The following MMP2 variants were observed in gnomAD, a reference collection of about 807,000 sequenced individuals.
MMP2 encodes the protein 72 kDa type IV collagenase.
Under a neutral mutation model 74.8 loss-of-function variants are expected in MMP2, and 39 were observed. That is an observed-to-expected ratio of 0.52 (90% CI 0.40 to 0.68). The LOEUF (loss-of-function observed/expected upper bound fraction) is 0.68. Among genes scored for constraint, MMP2 ranks in the 30% least tolerant of loss-of-function variants. The pLI is 0.00. For missense variants in MMP2, 803 were observed against 878.3 expected (o/e 0.91, Z 1.08); for synonymous variants, 367 against 339.8 (o/e 1.08, Z -0.88).
intron 8 of MMP2, among the ~76,000 whole-genome samples, chr16:55,492,644 T>C (rs1269878863): frequency 6.6e-6 from 1 of 151,746 alleles, no homozygotes; most frequent in African/African-American, 2.4e-5. Context: ...CCGTGAGGGG[T>C]GCTGGGTTCA....
rs1319527447 is a variant in MMP2, at chr16:55,504,236, T to C, written c.1880-1103T>C. Reference sequence around the variant, plus strand: ...GTTTTTTTAAAGGAAGCCAGAAATCTGTACTTCTGTGTGACTTTTTGGATG... The same window carrying C: ...GTTTTTTTAAAGGAAGCCAGAAATCCGTACTTCTGTGTGACTTTTTGGATG... On this transcript the variant is annotated intron_variant, in intron 12 of 12. Transcript: ENST00000219070. Among the ~76,000 whole-genome samples the C allele has an allele frequency of 2.6e-5, 4 of 152,312 alleles. No homozygotes were observed. The East Asian group carries it at 7.7e-4, about 29-fold the overall frequency.
At chr16:55,498,511 T>A in intron 11 of MMP2, 63 bp downstream of exon 11, 1 of 1,605,516 alleles carries the variant, frequency 6.2e-7, no homozygotes, top group Non-Finnish European at 8.5e-7. Flanking sequence ...GAAGCCGCCC[T>A]GAGGCTTCAA....
In MMP2 at chr16:55,484,108, G is replaced by A. The variant is rs368486758; in HGVS notation, c.473G>A (p.Arg158Gln). ...FQVWSDVTPL[R>Q]FSRIHDGEAD... is the part of the protein sequence containing the mutation. The stretch of plus-strand genomic sequence containing the variant: ...GTCTGGAGCGATGTGACCCCACTGC[G>A]GTTTTCTCGAATCCATGATGGAGAG... The change falls in exon 3 of 13, where the codon CGG (arginine) becomes CAG (glutamine). Residue 158 changes from arginine (R) to glutamine (Q), a missense_variant. Coordinates refer to ENST00000219070, the MANE Select transcript of MMP2 (RefSeq NM_004530.6). 79 of 1,614,056 alleles carry A rather than the reference G, an allele frequency of 4.9e-5. No homozygotes were observed. The highest frequency in any genetic ancestry group is 1.1e-4 in the African/African-American group (8 of 74,928).
chr16:55,493,201 G>A lies in MMP2; in HGVS notation c.1380G>A (p.Thr460=), dbSNP rs2287074. 0.42 allele frequency: 674,231 copies of A among 1,613,572 alleles called. 143,906 individuals carry two copies. The highest frequency in any genetic ancestry group is 0.44 in the Non-Finnish European group (521,927 of 1,179,780). Residue 460 remains threonine, a synonymous_variant, in exon 9 of 13, where the codon ACG becomes ACA. Coordinates refer to ENST00000219070, the MANE Select transcript of MMP2 (RefSeq NM_004530.6). ...DIDLGTGPTP[T]LGPVTPEICK... is the part of the protein sequence containing the mutation. ...ACCTTGGCACCGGCCCCACCCCCAC[G>A]CTGGGCCCTGTCACTCCTGAGATCT...
intron 12 of MMP2, 53 bp downstream of exon 12, chr16:55,502,941 G>A: frequency 7.0e-7 from 1 of 1,424,384 alleles, no homozygotes; most frequent in Non-Finnish European, 9.9e-7. Flanking sequence ...CCCTAGCCAG[G>A]GCCCAGCTCC....
intron 12 of MMP2, among the ~76,000 whole-genome samples, chr16:55,503,267 G>C (rs1481358713): frequency 1.3e-5 from 2 of 152,220 alleles, no homozygotes; most frequent in African/African-American, 2.4e-5. Context: ...CAGAAGGATG[G>C]CTCCATTTGA....
At chr16:55,485,579 C>T (rs770448914) in intron 4 of MMP2, 25 bp from the exon 5 acceptor site, 1 of 1,614,032 alleles carries the variant, frequency 6.2e-7, no homozygotes, top group South Asian at 1.1e-5. Flanking sequence ...GAAGTCCAAC[C>T]TCCCCCTTCC....
chr16:55,483,285 AATGAAGTC>A, intron 2 of MMP2, 150 bp downstream of exon 2: 1 of 650,414 alleles, frequency 1.5e-6, no homozygotes, highest in Non-Finnish European at 2.7e-6. Context: ...GTTCTTAGAA[AATGAAGTC>A]AGACAGACTT....
intron 1 of MMP2, 41 bp downstream of exon 1, chr16:55,479,673 A>G (rs1212302989): frequency 1.2e-6 from 2 of 1,612,728 alleles, no homozygotes; most frequent in Non-Finnish European, 1.7e-6. Context: ...CGTTTAGACA[A>G]ACTTCGGAGG....
chr16:55,500,538 C>CACACAG (rs1227112652), intron 11 of MMP2, among the ~76,000 whole-genome samples: 13 of 147,626 alleles, frequency 8.8e-5, no homozygotes, highest in African/African-American at 3.2e-4. Context: ...CACACACACA[C>CACACAG]AGGCATGGAG....
chr16:55,479,672 A>G (rs759204439), intron 1 of MMP2, 40 bp downstream of exon 1: 3 of 1,612,880 alleles, frequency 1.9e-6, no homozygotes, highest in Non-Finnish European at 2.5e-6. Flanking sequence ...ACGTTTAGAC[A>G]AACTTCGGAG....
chr16:55,489,531 C>A, intron 6 of MMP2, 120 bp from the exon 7 acceptor site: 2 of 1,232,610 alleles, frequency 1.6e-6, no homozygotes, highest in Non-Finnish European at 2.4e-6. Flanking sequence ...TCTAAAGATA[C>A]AGTGCCTGGG....
chr16:55,480,061 C>T (rs1421266582), intron 1 of MMP2: 1 of 176,120 alleles, frequency 5.7e-6, no homozygotes, highest in Non-Finnish European at 1.2e-5. Flanking sequence ...TCTAGGTAAG[C>T]CTTTGGCAAA....
intron 1 of MMP2, 78 bp downstream of exon 1, chr16:55,479,710 G>T: frequency 6.3e-7 from 1 of 1,579,124 alleles, no homozygotes; most frequent in Non-Finnish European, 8.7e-7. Context: ...CTCTCCCCCT[G>T]CCCTCGGCGG....
intron 5 of MMP2, chr16:55,487,988 CAT>C (rs571951420): frequency 1.4e-4 from 26 of 183,804 alleles, no homozygotes; most frequent in Non-Finnish European, 2.4e-4. Context: ...CGCACACACA[CAT>C]ATATGAGAGT....
chr16:55,497,378 G>A (rs148919111), intron 10 of MMP2, among the ~76,000 whole-genome samples: 18 of 152,230 alleles, frequency 1.2e-4, no homozygotes, highest in Admixed American at 2.0e-4. Context: ...TGTCCCTAAC[G>A]CCTTTGTAGT....
At position 55,491,802 on chromosome 16, in the gene MMP2, G is replaced by T. The variant is rs1962411641; in HGVS notation, c.1182G>T (p.Gly394=). The change falls in exon 8 of 13, where the codon GGG becomes GGT. Residue 394 remains glycine (G), a splice_region_variant and synonymous_variant. Coordinates refer to ENST00000219070, the MANE Select transcript of MMP2 (RefSeq NM_004530.6). ...CTCTCTCCTCCCTGCAACCCTCAGG[G>T]TACAGCCTGTTCCTCGTGGCAGCCC... ...DRKWGFCPDQ[G]YSLFLVAAHE... The T allele has an allele frequency of 1.2e-6, 2 of 1,614,186 alleles. No homozygotes were observed. The highest frequency in any genetic ancestry group is 2.7e-5 in the African/African-American group (2 of 75,054).
rs147947052 is a variant in MMP2, at chr16:55,484,131, G to A, written c.496G>A (p.Glu166Lys). Residue 166 changes from glutamate (E) to lysine (K), a missense_variant, in exon 3 of 13, where the codon GAG (glutamate) becomes AAG (lysine). This residue lies in a region of MMP2 where 223 missense variants were observed against 232.8 expected (regional missense o/e 0.96). Coordinates refer to ENST00000219070, the MANE Select transcript of MMP2 (RefSeq NM_004530.6). ...PLRFSRIHDGEADIMINFGRW... is the reference protein window; with the variant it reads ...PLRFSRIHDGKADIMINFGRW... ...GCGGTTTTCTCGAATCCATGATGGA[G>A]AGGCAGACATCATGATCAACTTTGG... 1.0e-3 allele frequency: 1,669 copies of A among 1,614,198 alleles called. 16 individuals carry two copies. Among genetic ancestry groups the A allele is most frequent in the South Asian group, 4.8e-3 (441 of 91,088 alleles).
intron 1 of MMP2, chr16:55,480,525 C>T (rs1962072156): frequency 6.6e-6 from 1 of 152,234 alleles, no homozygotes; most frequent in African/African-American, 2.4e-5. Context: ...GCTCCCAAAC[C>T]GCGGTTCAGA....
Sources: allele counts gnomAD v4.1 joint callset (sites outside exome capture counted in the v4.1 genomes callset), GRCh38; gene constraint gnomAD v4.1.1; regional missense constraint gnomAD v4.1.1; transcripts MANE v1.5; gene names NCBI Gene and HGNC (gene_info 2026-07-23, HGNC 2026-07-21).